ZNF503: variants seen among roughly 807,000 people sequenced by gnomAD.
The protein encoded by ZNF503 is zinc finger protein 503.
ZNF503 carries 15 observed loss-of-function variants against 34.4 expected under a neutral mutation model. The observed-to-expected ratio is 0.44, with a 90% CI of 0.29 to 0.67. The LOEUF (loss-of-function observed/expected upper bound fraction) is 0.67. Ranked by LOEUF, ZNF503 falls within the 30% of genes least tolerant of loss-of-function variation. The probability of loss-of-function intolerance (pLI) is 0.13; values close to 1 mark genes in which losing one functional copy is unlikely to be tolerated. For synonymous variants in ZNF503, 580 were observed against 456.8 expected (o/e 1.27, Z -3.44); for missense variants, 1,007 against 926.8 (o/e 1.09, Z -1.12).
chr10:75,399,748 T>G lies in ZNF503; in HGVS notation c.942A>C (p.Ser314=). 1 of 1,593,616 alleles carries G rather than the reference T, an allele frequency of 6.3e-7. No individual in the cohort carries two copies. ...GGCCGGAGCCGGAGCTGGAGCCCGATGAACCGCCGCAGTCCGAGCCCAGAG... is the reference window on the plus strand; with the variant it reads ...GGCCGGAGCCGGAGCTGGAGCCCGAGGAACCGCCGCAGTCCGAGCCCAGAG... The part of the protein sequence containing the change: ...GKALGSDCGG[S]SGSSSGSGPS... Residue 314 remains serine (S), a synonymous_variant, in exon 2 of 2, where the codon TCA becomes TCC. Coordinates refer to ENST00000372524, the MANE Select transcript of ZNF503 (RefSeq NM_032772.6).
At chr10:75,401,057 G>A (rs1843798864) in intron 1 of ZNF503, 48 bp downstream of exon 1, 1 of 1,612,050 alleles carries the variant, frequency 6.2e-7, no homozygotes, top group South Asian at 1.1e-5. Context: ...GCCCTAGGGT[G>A]GCAGCCAGGG....
At position 75,400,341 on chromosome 10, in the gene ZNF503, C is replaced by T. The variant is rs752660875; in HGVS notation, c.349G>A (p.Ala117Thr). ...TTCCCGATCTGCGAACATGTTTGCG[C>T]CAACAGCGCCAGCGGGCTCTTCTTG... ...DAKKSPLALL[A>T]QTCSQIGKPD... Residue 117 changes from alanine (A) to threonine (T), a missense_variant, in exon 2 of 2, where the codon GCG (alanine) becomes ACG (threonine). Ala to Thr is a moderately conservative substitution (Grantham distance 58). Transcript: ENST00000372524. 6.2e-7 allele frequency: 1 copy of T among 1,610,966 alleles called. No homozygotes were observed. The highest frequency in any genetic ancestry group is 8.5e-7 in the Non-Finnish European group (1 of 1,178,228).
At position 75,400,391 on chromosome 10, in the gene ZNF503, T is replaced by TGG. The variant is rs111435527; in HGVS notation, c.316-19_316-18dup. On this transcript the variant is annotated splice_polypyrimidine_tract_variant and intron_variant, in intron 1 of 1. Transcript: ENST00000372524. Reference sequence around the variant, plus strand: ...GGCATCGAGCTGCGGGGTCAGACGATGGGGGGGGAGCGTCACACAGAGAAA... The same window carrying TGG: ...GGCATCGAGCTGCGGGGTCAGACGATGGGGGGGGGGAGCGTCACACAGAGAAA... 4 of 1,588,634 alleles carry TGG rather than the reference T, an allele frequency of 2.5e-6. No individual in the cohort carries two copies. Among genetic ancestry groups the TGG allele is most frequent in the African/African-American group, 1.4e-5 (1 of 73,800 alleles).
At chr10:75,354,393 G>A in the ZNF503 span, among the ~76,000 whole-genome samples, 1 of 152,176 alleles carries the variant, frequency 6.6e-6, no homozygotes, top group African/African-American at 2.4e-5. Flanking sequence ...AGAATAGAAA[G>A]CCTGAATAAT....
chr10:75,328,214 T>C, the ZNF503 span, among the ~76,000 whole-genome samples: 3 of 152,322 alleles, frequency 2.0e-5, no homozygotes, highest in East Asian at 5.8e-4. Context: ...TTTCTTCTAG[T>C]AGTTTCATCA....
At chr10:75,312,390 C>T in the ZNF503 span, among the ~76,000 whole-genome samples, 1 of 152,016 alleles carries the variant, frequency 6.6e-6, no homozygotes, top group Non-Finnish European at 1.5e-5. Flanking sequence ...AATCAGCAAA[C>T]TAGAATATGG....
At chr10:75,368,117 C>T in the ZNF503 span, among the ~76,000 whole-genome samples, 1 of 152,176 alleles carries the variant, frequency 6.6e-6, no homozygotes, top group East Asian at 1.9e-4. Context: ...TGTCCTTGAG[C>T]TACAAATCAT....
At chr10:75,370,911 C>G in the ZNF503 span, among the ~76,000 whole-genome samples, 1 of 151,908 alleles carries the variant, frequency 6.6e-6, no homozygotes, top group Non-Finnish European at 1.5e-5. Context: ...AGCCTGCAAC[C>G]CCTTCAAGTG....
chr10:75,294,193 A>G, the ZNF503 span, among the ~76,000 whole-genome samples: 2 of 152,224 alleles, frequency 1.3e-5, no homozygotes, highest in African/African-American at 4.8e-5. Context: ...TTCCTGGTGG[A>G]GGAAAAGGAG....
At chr10:75,345,634 C>CAAAAAAAAAAAAAAAAAAAGAAAAAAA in the ZNF503 span, among the ~76,000 whole-genome samples, 1 of 72,300 alleles carries the variant, frequency 1.4e-5, no homozygotes, top group Non-Finnish European at 2.6e-5. Context: ...GACTCTGTCT[C>CAAAAAAAAAAAAAAAAAAAGAAAAAAA]AAAAAAAAAA....
the ZNF503 span, among the ~76,000 whole-genome samples, chr10:75,281,429 G>T: frequency 2.0e-5 from 3 of 152,028 alleles, no homozygotes; most frequent in African/African-American, 7.3e-5. Context: ...CGAGTGTGCC[G>T]CCTGGTTCCT....
At chr10:75,347,855 T>C in the ZNF503 span, among the ~76,000 whole-genome samples, 1 of 152,112 alleles carries the variant, frequency 6.6e-6, no homozygotes, top group Non-Finnish European at 1.5e-5. Context: ...GTTACTCCCT[T>C]CTTCCCAAAT....
At chr10:75,288,929 G>T in the ZNF503 span, among the ~76,000 whole-genome samples, 1 of 152,166 alleles carries the variant, frequency 6.6e-6, no homozygotes, top group African/African-American at 2.4e-5. Context: ...CTTGGTTGAG[G>T]GGGGCTGATC....
chr10:75,291,515 G>T, the ZNF503 span, among the ~76,000 whole-genome samples: 8,430 of 152,250 alleles, frequency 0.055, 340 homozygotes, highest in East Asian at 0.2. Context: ...GGGAGGCTGA[G>T]GGGGAGGATT....
chr10:75,333,551 C>T, the ZNF503 span, among the ~76,000 whole-genome samples: 4 of 66,484 alleles, frequency 6.0e-5, no homozygotes, highest in African/African-American at 2.8e-4. Context: ...AGGCGCCCCT[C>T]ACCTCCCGGA....
At chr10:75,336,121 A>G in the ZNF503 span, among the ~76,000 whole-genome samples, 4 of 152,150 alleles carry the variant, frequency 2.6e-5, no homozygotes, top group Admixed American at 2.6e-4. Context: ...TCTTTGGGCT[A>G]CCTTATTGGC....
the ZNF503 span, among the ~76,000 whole-genome samples, chr10:75,305,917 G>A: frequency 3.3e-5 from 5 of 152,164 alleles, no homozygotes; most frequent in African/African-American, 9.6e-5. Context: ...CATGTTGTTT[G>A]TTAATTTATT....
At chr10:75,355,185 C>T in the ZNF503 span, among the ~76,000 whole-genome samples, 2 of 152,224 alleles carry the variant, frequency 1.3e-5, no homozygotes, top group African/African-American at 4.8e-5. Flanking sequence ...AATCCACATC[C>T]TCCTCCTTAT....
At chr10:75,312,761 C>T in the ZNF503 span, among the ~76,000 whole-genome samples, 1 of 152,024 alleles carries the variant, frequency 6.6e-6, no homozygotes, top group African/African-American at 2.4e-5. Flanking sequence ...CAAAAAACAT[C>T]ACCTTAACTA....
Sources: allele counts gnomAD v4.1 joint callset (sites outside exome capture counted in the v4.1 genomes callset), GRCh38; gene constraint gnomAD v4.1.1; transcripts MANE v1.5; gene names NCBI Gene and HGNC (gene_info 2026-07-23, HGNC 2026-07-21).